The following DMRT1 variants were observed in gnomAD, a reference collection of about 807,000 sequenced individuals.
The protein encoded by DMRT1 is doublesex- and mab-3-related transcription factor 1.
Under a neutral mutation model 32.3 loss-of-function variants are expected in DMRT1, and 7 were observed. That is an observed-to-expected ratio of 0.22 (90% CI 0.12 to 0.41). DMRT1 has a LOEUF of 0.41. Among genes scored for constraint, DMRT1 ranks in the 10% least tolerant of loss-of-function variants. The pLI, the probability that DMRT1 is intolerant of heterozygous loss-of-function variation, is 1.00. For missense variants in DMRT1, 625 were observed against 500.5 expected (o/e 1.25, Z -2.37); for synonymous variants, 278 against 206.1 (o/e 1.35, Z -2.99).
At chr9:967,894 C>G (rs1452484394) in intron 4 of DMRT1, 91 bp from the exon 5 acceptor site, 55 of 1,236,572 alleles carry the variant, frequency 4.4e-5, no homozygotes, top group Non-Finnish European at 6.2e-5. Flanking sequence ...TTTGTTGTAA[C>G]CTAATTGAAT....
chr9:894,279 A>G, intron 3 of DMRT1, 84 bp downstream of exon 3: 1 of 1,451,670 alleles, frequency 6.9e-7, no homozygotes. Flanking sequence ...ACACAGAGGC[A>G]CACACGCACT....
chr9:865,895 G>A (rs923959404), intron 2 of DMRT1, among the ~76,000 whole-genome samples: 2 of 152,118 alleles, frequency 1.3e-5, no homozygotes, highest in South Asian at 4.2e-4. Context: ...AGCGCACGGT[G>A]GCTCACACCT....
chr9:850,495 G>A (rs1386966767), intron 2 of DMRT1, among the ~76,000 whole-genome samples: 1 of 152,146 alleles, frequency 6.6e-6, no homozygotes, highest in Non-Finnish European at 1.5e-5. Context: ...GTATAGTGGA[G>A]TACAAAAATA....
intron 2 of DMRT1, among the ~76,000 whole-genome samples, chr9:889,919 A>T (rs1179626586): frequency 6.6e-6 from 1 of 152,134 alleles, no homozygotes; most frequent in Admixed American, 6.5e-5. Flanking sequence ...AATGTTTATG[A>T]CTGCATGGTA....
At chr9:920,839 G>A (rs1285340888) in intron 4 of DMRT1, among the ~76,000 whole-genome samples, 2 of 152,122 alleles carry the variant, frequency 1.3e-5, no homozygotes, top group East Asian at 3.9e-4. Flanking sequence ...GCAGAGTGGG[G>A]GCCATGGTCT....
At position 841,868 on chromosome 9, in the gene DMRT1, C is replaced by G. The variant is rs572998698; in HGVS notation, c.30C>G (p.Pro10=). Residue 10 remains proline (P), a synonymous_variant, in exon 1 of 5, where the codon CCC becomes CCG. Coordinates refer to ENST00000382276, the MANE Select transcript of DMRT1 (RefSeq NM_021951.3). The part of the protein sequence containing the change: MPNDEAFSK[P]STPSEAPHAP... ...CCAACGACGAGGCATTCAGCAAGCC[C>G]TCTACACCGTCGGAAGCCCCTCACG... is the stretch of plus-strand genomic sequence containing the variant. The G allele has an allele frequency of 6.2e-7, 1 of 1,612,834 alleles. No individual in the cohort carries two copies. The highest frequency in any genetic ancestry group is 2.2e-5 in the East Asian group (1 of 44,860).
chr9:946,089 A>G (rs937379131), intron 4 of DMRT1, among the ~76,000 whole-genome samples: 1 of 151,382 alleles, frequency 6.6e-6, no homozygotes, highest in Non-Finnish European at 1.5e-5. Flanking sequence ...ATGGTTTATT[A>G]GTTAATTTTC....
At chr9:948,230 GC>G (rs1235639716) in intron 4 of DMRT1, among the ~76,000 whole-genome samples, 2 of 152,134 alleles carry the variant, frequency 1.3e-5, no homozygotes, top group Non-Finnish European at 2.9e-5. Context: ...GCCTGCTCAG[GC>G]CCGCCCCTCC....
chr9:858,826 A>T (rs1815514726), intron 2 of DMRT1, among the ~76,000 whole-genome samples: 1 of 148,046 alleles, frequency 6.8e-6, no homozygotes, highest in South Asian at 2.2e-4. Context: ...GTGAGCTGAG[A>T]TCGCGCCATT....
chr9:916,790 A>G lies in DMRT1; in HGVS notation c.850A>G (p.Met284Val), dbSNP rs1269822343. The change falls in exon 4 of 5, where the codon ATG becomes GTG. Residue 284 changes from methionine to valine, a missense_variant. Met to Val is a conservative substitution (Grantham distance 21). This residue lies in a region of DMRT1 where 416 missense variants were observed against 321.6 expected (regional missense o/e 1.29). Transcript: ENST00000382276. Reference protein sequence around the residue: ...QMKNMENRHAMSSQYRMHSYY... With the variant: ...QMKNMENRHAVSSQYRMHSYY... The stretch of plus-strand genomic sequence containing the variant: ...GAAGAACATGGAGAACCGCCATGCA[A>G]TGAGCTCCCAGTACAGGATGCATTC... 2 of 1,614,216 alleles carry G rather than the reference A, an allele frequency of 1.2e-6. No individual in the cohort carries two copies. The highest frequency in any genetic ancestry group is 1.7e-6 in the Non-Finnish European group (2 of 1,180,046).
rs138309252 is a variant in DMRT1, at chr9:903,318, G to A, written c.822+9123G>A. ...ATTAAGCCTGGGTGAATGCAGTCCC[G>A]GCTTTCTGTTTCTAGGTGATCACCT... On this transcript the variant is annotated intron_variant, in intron 3 of 4. Coordinates refer to ENST00000382276, the MANE Select transcript of DMRT1 (RefSeq NM_021951.3). Among the ~76,000 whole-genome samples the A allele has an allele frequency of 8.4e-3, 1,260 of 149,258 alleles. 16 individuals carry two copies. Among genetic ancestry groups the A allele is most frequent in the African/African-American group, 0.028 (1,138 of 40,378 alleles).
chr9:949,179 C>T (rs905391831), intron 4 of DMRT1, among the ~76,000 whole-genome samples: 6 of 152,140 alleles, frequency 3.9e-5, no homozygotes, highest in Non-Finnish European at 8.8e-5. Context: ...TTAAGATCAG[C>T]CTGGGCAACA....
chr9:922,621 G>A (rs1818391349), intron 4 of DMRT1, among the ~76,000 whole-genome samples: 1 of 152,198 alleles, frequency 6.6e-6, no homozygotes, highest in Non-Finnish European at 1.5e-5. Flanking sequence ...AGTTGGTGAA[G>A]GTAATACACT....
intron 2 of DMRT1, among the ~76,000 whole-genome samples, chr9:861,692 C>A (rs1327975861): frequency 3.6e-5 from 4 of 112,264 alleles, no homozygotes; most frequent in Non-Finnish European, 7.0e-5. Flanking sequence ...GCAGAGGGGC[C>A]CCCCACCTCC....
Position 934,544 on chromosome 9 carries a change from T to A in DMRT1, c.967+17637T>A, listed in dbSNP as rs185338008. ...AGACCCTGTCTCAAAAATTAAAAAA[T>A]TTAAAAATTTTAAAAAGAGAAGTCA... On this transcript the variant is annotated intron_variant, in intron 4 of 4. Coordinates refer to ENST00000382276, the MANE Select transcript of DMRT1 (RefSeq NM_021951.3). Among the ~76,000 whole-genome samples, 23 of 152,316 alleles carry A rather than the reference T, an allele frequency of 1.5e-4. No homozygotes were observed. In the East Asian group the frequency reaches 3.5e-3, roughly 23 times the overall value.
chr9:951,142 A>G (rs1054497154), intron 4 of DMRT1, among the ~76,000 whole-genome samples: 1 of 152,174 alleles, frequency 6.6e-6, no homozygotes, highest in African/African-American at 2.4e-5. Context: ...TAAATCCTAG[A>G]GCCTCATTGA....
At chr9:855,465 C>T (rs1292824940) in intron 2 of DMRT1, among the ~76,000 whole-genome samples, 1 of 152,156 alleles carries the variant, frequency 6.6e-6, no homozygotes, top group Non-Finnish European at 1.5e-5. Flanking sequence ...AGTTAATGGT[C>T]AATAAACCAT....
intron 2 of DMRT1, among the ~76,000 whole-genome samples, chr9:888,157 T>C (rs1379983140): frequency 6.6e-6 from 1 of 152,212 alleles, no homozygotes; most frequent in African/African-American, 2.4e-5. Flanking sequence ...ATTAAGTTAC[T>C]GTGGTTAGAA....
chr9:889,028 G>A (rs1020026878), intron 2 of DMRT1, among the ~76,000 whole-genome samples: 2 of 151,886 alleles, frequency 1.3e-5, no homozygotes, highest in South Asian at 2.1e-4. Context: ...CGCCATTCTC[G>A]GGGTGTATGA....
Sources: gnomAD v4.1 joint callset for allele counts (sites outside exome capture counted in the v4.1 genomes callset) on GRCh38, gnomAD v4.1.1 for gene constraint, gnomAD v4.1.1 regional missense constraint, MANE v1.5 for transcripts, NCBI Gene and HGNC (gene_info 2026-07-23, HGNC 2026-07-21) for gene names.